The following ADAM12 variants were observed in gnomAD, a reference collection of about 807,000 sequenced individuals.
ADAM12 encodes the protein disintegrin and metalloproteinase domain-containing protein 12.
In ADAM12, 70 loss-of-function variants were observed where a neutral mutation model predicts 106.4. The observed-to-expected ratio is 0.66, with a 90% confidence interval of 0.54 to 0.80. The LOEUF (loss-of-function observed/expected upper bound fraction) is 0.80, where lower values mean the gene tolerates loss of function less well. Among genes scored for constraint, ADAM12 ranks in the 30% least tolerant of loss-of-function variants. ADAM12 has a pLI of 0.00. For missense variants in ADAM12, 1,010 were observed against 1,171.9 expected (o/e 0.86, Z 2.02); for synonymous variants, 420 against 433.5 (o/e 0.97, Z 0.39).
chr10:126,338,498 C>T (rs187636051), intron 1 of ADAM12, among the ~76,000 whole-genome samples: 76 of 151,952 alleles, frequency 5.0e-4, no homozygotes, highest in African/African-American at 1.5e-3. Flanking sequence ...GTGATCCGCC[C>T]GCCTCGGCCT....
chr10:126,137,982 T>C (rs1956437108), intron 4 of ADAM12, among the ~76,000 whole-genome samples: 1 of 152,244 alleles, frequency 6.6e-6, no homozygotes, highest in Non-Finnish European at 1.5e-5. Context: ...CAAACTGTTT[T>C]GCCAAGCAGC....
At chr10:126,217,216 A>G (rs1958003021) in intron 3 of ADAM12, among the ~76,000 whole-genome samples, 1 of 152,236 alleles carries the variant, frequency 6.6e-6, no homozygotes, top group African/African-American at 2.4e-5. Flanking sequence ...ATACATTGTG[A>G]TCTTTGAAAA....
rs147574370 is a variant in ADAM12, at chr10:126,155,242, G to C, written c.324C>G (p.Leu108=). 4 of 1,614,124 alleles carry C rather than the reference G, an allele frequency of 2.5e-6. No individual in the cohort carries two copies. The Admixed American group carries it at 5.0e-5, about 20-fold the overall frequency. Residue 108 remains leucine (L), a synonymous_variant, in exon 4 of 23, where the codon CTC becomes CTG. Coordinates refer to ENST00000448723, the MANE Select transcript of ADAM12 (RefSeq NM_001288973.2). ...HYLQDGTDVS[L]ARNYTGHCYY... ...CCAGAATTACCGTGTAATTTCGAGC[G>C]AGGGAGACATCAGTACCGTCTTGCA...
intron 3 of ADAM12, among the ~76,000 whole-genome samples, chr10:126,190,457 C>G (rs1957479023): frequency 6.6e-6 from 1 of 152,080 alleles, no homozygotes. Context: ...CCACCTGCCT[C>G]TGCTTCCCAA....
chr10:126,166,389 A>G (rs1039073192), intron 3 of ADAM12, among the ~76,000 whole-genome samples: 1 of 151,258 alleles, frequency 6.6e-6, no homozygotes, highest in Non-Finnish European at 1.5e-5. Flanking sequence ...AGCTGGCATG[A>G]GACTCAGTCT....
chr10:126,090,122 A>T (rs1003185580), intron 11 of ADAM12, among the ~76,000 whole-genome samples: 12 of 151,754 alleles, frequency 7.9e-5, no homozygotes, highest in Non-Finnish European at 7.4e-5. Flanking sequence ...CCATTTTTCA[A>T]CTCTTTTCAC....
chr10:126,192,467 C>A (rs943521288), intron 3 of ADAM12, among the ~76,000 whole-genome samples: 4 of 152,156 alleles, frequency 2.6e-5, no homozygotes, highest in South Asian at 4.1e-4. Flanking sequence ...GTAATAAACA[C>A]AGATTTGTTC....
chr10:126,049,091 G>A lies in ADAM12; in HGVS notation c.1917+162C>T, dbSNP rs1954402992. On this transcript the variant is annotated intron_variant, in intron 16 of 22. Transcript: ENST00000448723. The surrounding 1 kb of genome is among the most constrained non-coding windows in gnomAD (Gnocchi z 4.4). ...TTTTTCCCCAATCTGCATTTTAATA[G>A]TCAGACCAGGATCTAGGATTTATTG... Among the ~76,000 whole-genome samples, 1 of 152,184 alleles carries A rather than the reference G, an allele frequency of 6.6e-6. No homozygotes were observed. Among genetic ancestry groups the A allele is most frequent in the Non-Finnish European group, 1.5e-5 (1 of 68,040 alleles).
chr10:126,205,069 T>A (rs1957771313), intron 3 of ADAM12, among the ~76,000 whole-genome samples: 1 of 152,114 alleles, frequency 6.6e-6, no homozygotes. Context: ...GATGGTACCT[T>A]TCCCCTGGAG....
intron 2 of ADAM12, among the ~76,000 whole-genome samples, chr10:126,321,098 T>A (rs1434299584): frequency 6.6e-6 from 1 of 152,186 alleles, no homozygotes; most frequent in Non-Finnish European, 1.5e-5. Context: ...CATTCATACG[T>A]CCTTGGGCAA....
intron 5 of ADAM12, among the ~76,000 whole-genome samples, chr10:126,124,556 G>A (rs577061390): frequency 6.6e-6 from 1 of 152,208 alleles, no homozygotes; most frequent in South Asian, 2.1e-4. Flanking sequence ...GAGCACGACA[G>A]AGGAGGTAAG....
At chr10:126,253,500 A>AGCTG (rs1462081272) in intron 3 of ADAM12, among the ~76,000 whole-genome samples, 1 of 152,264 alleles carries the variant, frequency 6.6e-6, no homozygotes, top group East Asian at 1.9e-4. Context: ...GCCACTAAGC[A>AGCTG]GCTGTCTCTT....
At chr10:126,109,175 G>A (rs1440418069) in intron 7 of ADAM12, among the ~76,000 whole-genome samples, 1 of 152,172 alleles carries the variant, frequency 6.6e-6, no homozygotes, top group Admixed American at 6.5e-5. Flanking sequence ...CTGAAAAATA[G>A]TCAAGCCTGT....
At chr10:126,321,778 C>A (rs1854103130) in intron 2 of ADAM12, among the ~76,000 whole-genome samples, 1 of 151,958 alleles carries the variant, frequency 6.6e-6, no homozygotes, top group African/African-American at 2.4e-5. Context: ...GATATGATGC[C>A]CAGGGGAAAG....
At chr10:126,295,853 T>A (rs904353608) in intron 2 of ADAM12, among the ~76,000 whole-genome samples, 1 of 150,698 alleles carries the variant, frequency 6.6e-6, no homozygotes, top group Non-Finnish European at 1.5e-5. Context: ...CCTCTGATGA[T>A]CAAAGCTAAA....
intron 1 of ADAM12, among the ~76,000 whole-genome samples, chr10:126,359,008 A>G (rs901180395): frequency 4.6e-5 from 7 of 152,216 alleles, no homozygotes; most frequent in African/African-American, 1.7e-4. Context: ...TTATGGTGGA[A>G]GGCAAGGAGG....
chr10:126,234,823 A>G (rs932804649), intron 3 of ADAM12, among the ~76,000 whole-genome samples: 10 of 152,214 alleles, frequency 6.6e-5, no homozygotes, highest in Non-Finnish European at 1.5e-4. Flanking sequence ...GGCAATAACC[A>G]AGGAAAGCCC....
intron 1 of ADAM12, among the ~76,000 whole-genome samples, chr10:126,371,697 C>T (rs536977176): frequency 2.6e-5 from 4 of 152,226 alleles, no homozygotes; most frequent in Non-Finnish European, 5.9e-5. Context: ...GTCTGCTTCA[C>T]CCACAAATGT....
At chr10:126,156,294 A>G (rs1410682747) in intron 3 of ADAM12, among the ~76,000 whole-genome samples, 2 of 152,212 alleles carry the variant, frequency 1.3e-5, no homozygotes, top group Non-Finnish European at 2.9e-5. Context: ...AGGTCGATTC[A>G]TGCTGACTTT....
Sources: gnomAD v4.1 joint callset for allele counts (sites outside exome capture counted in the v4.1 genomes callset) on GRCh38, gnomAD v4.1.1 for gene constraint, Gnocchi (gnomAD v3.1) non-coding constraint, MANE v1.5 for transcripts, NCBI Gene and HGNC (gene_info 2026-07-23, HGNC 2026-07-21) for gene names.